Variants in NCAM2 observed in about 807,000 individuals in gnomAD.
NCAM2 encodes neural cell adhesion molecule 2.
In NCAM2, 30 loss-of-function variants were observed where a neutral mutation model predicts 98.1. The observed-to-expected ratio is 0.31, with a 90% CI of 0.23 to 0.41. The LOEUF (loss-of-function observed/expected upper bound fraction) is 0.41, where lower values mean the gene tolerates loss of function less well. Among genes scored for constraint, NCAM2 ranks in the 10% least tolerant of loss-of-function variants. The pLI, the probability that NCAM2 is intolerant of heterozygous loss-of-function variation, is 1.00. For synonymous variants in NCAM2, 368 were observed against 342.4 expected (o/e 1.07, Z -0.83); for missense variants, 867 against 1,005.8 (o/e 0.86, Z 1.87).
intron 1 of NCAM2, among the ~76,000 whole-genome samples, chr21:21,242,435 A>G (rs188002979): frequency 6.6e-6 from 1 of 152,224 alleles, no homozygotes; most frequent in Non-Finnish European, 1.5e-5. Context: ...GATAAAGCTT[A>G]TTCCTCATAT....
At chr21:21,443,522 A>G (rs1321006527) in intron 12 of NCAM2, among the ~76,000 whole-genome samples, 2 of 152,012 alleles carry the variant, frequency 1.3e-5, no homozygotes, top group African/African-American at 4.8e-5. Context: ...ATTAGCAGAC[A>G]TCTTTTATAA....
chr21:21,496,606 C>T (rs902208792), intron 15 of NCAM2, among the ~76,000 whole-genome samples: 7 of 152,034 alleles, frequency 4.6e-5, no homozygotes, highest in African/African-American at 7.2e-5. Context: ...TACAGAAGCT[C>T]TTTAGTTGAA....
intron 5 of NCAM2, among the ~76,000 whole-genome samples, chr21:21,309,005 C>G (rs2073964013): frequency 6.6e-6 from 1 of 152,060 alleles, no homozygotes; most frequent in Non-Finnish European, 1.5e-5. Flanking sequence ...TTTAAAATAC[C>G]TACCCCAGAA....
At chr21:21,268,641 T>G (rs1454219172) in intron 1 of NCAM2, among the ~76,000 whole-genome samples, 1 of 152,182 alleles carries the variant, frequency 6.6e-6, no homozygotes, top group Non-Finnish European at 1.5e-5. Context: ...GAAGCCATTG[T>G]ACATGAGAAT....
At chr21:21,133,073 T>C (rs954258627) in intron 1 of NCAM2, among the ~76,000 whole-genome samples, 1 of 152,268 alleles carries the variant, frequency 6.6e-6, no homozygotes, top group Non-Finnish European at 1.5e-5. Flanking sequence ...TTAAGATCCA[T>C]CTATCTTTTT....
chr21:21,114,920 A>G (rs2066524329), intron 1 of NCAM2, among the ~76,000 whole-genome samples: 1 of 151,874 alleles, frequency 6.6e-6, no homozygotes, highest in African/African-American at 2.4e-5. Flanking sequence ...TCCTGGGTTC[A>G]AGTGATTCTT....
In NCAM2 at chr21:21,353,922, A is replaced by G. The variant is rs375946573; in HGVS notation, c.1044+15388A>G. Among the ~76,000 whole-genome samples, 116 of 152,264 alleles carry G rather than the reference A, an allele frequency of 7.6e-4. No homozygotes were observed. In the East Asian group the frequency reaches 0.019, roughly 25 times the overall value. On this transcript the variant is annotated intron_variant, in intron 8 of 17. Transcript: ENST00000400546. The stretch of plus-strand genomic sequence containing the variant: ...ATTTTTCAAACTATGTTTTTATATC[A>G]TATGATAAAACTGGGTGTTTTTAGA...
At chr21:21,432,381 T>G (rs2077367233) in intron 12 of NCAM2, 100 bp downstream of exon 12, 1 of 1,082,694 alleles carries the variant, frequency 9.2e-7, no homozygotes, top group South Asian at 1.6e-5. Flanking sequence ...TTCTTTTCTT[T>G]TAATAAAATG....
chr21:21,319,165 A>G (rs2074302911), intron 5 of NCAM2, among the ~76,000 whole-genome samples: 2 of 152,162 alleles, frequency 1.3e-5, no homozygotes, highest in Admixed American at 1.3e-4. Context: ...AGCTCTTCAT[A>G]TTCGTGGTCT....
intron 1 of NCAM2, among the ~76,000 whole-genome samples, chr21:21,154,848 C>A (rs1166426427): frequency 3.3e-5 from 5 of 151,708 alleles, no homozygotes; most frequent in Non-Finnish European, 1.5e-5. Flanking sequence ...TTGGAGCCAG[C>A]AATAGTTGAG....
intron 1 of NCAM2, among the ~76,000 whole-genome samples, chr21:21,256,935 G>T (rs1421503202): frequency 6.6e-6 from 1 of 152,184 alleles, no homozygotes; most frequent in African/African-American, 2.4e-5. Flanking sequence ...TCTTTGCAAA[G>T]ATTGCAGAGG....
rs527539194 is a variant in NCAM2, at chr21:21,464,631, C to T, written c.1655-1975C>T. On this transcript the variant is annotated intron_variant, in intron 12 of 17. Transcript: ENST00000400546. Reference sequence around the variant, plus strand: ...AACAAATTCATGTTATGCTGACTTTCAGCAGAGGCTTTACATCTTAAAGAC... The same window carrying T: ...AACAAATTCATGTTATGCTGACTTTTAGCAGAGGCTTTACATCTTAAAGAC... 5.3e-5 allele frequency among the ~76,000 whole-genome samples: 8 copies of T among 152,224 alleles called. No individual in the cohort carries two copies. In the East Asian group the frequency reaches 1.5e-3, roughly 29 times the overall value.
rs142009034 is a variant in NCAM2 at position 21,257,764 on chromosome 21, G to A, written c.56-22814G>A. ...TGCCTGGCTACTTTTTGTATTTTTA[G>A]TAGAGACAGGGTTTCACCATGTTGG... is the stretch of plus-strand genomic sequence containing the variant. On this transcript the variant is annotated intron_variant, in intron 1 of 17. Transcript: ENST00000400546. Among the ~76,000 whole-genome samples, 563 of 152,170 alleles carry A rather than the reference G, an allele frequency of 3.7e-3. 9 individuals are homozygous for A. Among genetic ancestry groups the A allele is most frequent in the African/African-American group, 0.013 (548 of 41,534 alleles).
chr21:21,044,035 T>TCG, intron 1 of NCAM2, among the ~76,000 whole-genome samples: 1 of 150,094 alleles, frequency 6.7e-6, no homozygotes, highest in East Asian at 1.9e-4. Context: ...TTTGAAGACT[T>TCG]TGTGTGTGTG....
chr21:21,071,140 A>G (rs2065553708), intron 1 of NCAM2, among the ~76,000 whole-genome samples: 1 of 152,214 alleles, frequency 6.6e-6, no homozygotes, highest in Admixed American at 6.5e-5. Context: ...TTCACGAAAA[A>G]CTGATATACT....
intron 8 of NCAM2, among the ~76,000 whole-genome samples, chr21:21,364,256 C>G (rs1396480557): frequency 6.6e-6 from 1 of 151,756 alleles, no homozygotes; most frequent in Non-Finnish European, 1.5e-5. Context: ...TAAATATAGG[C>G]ATATTTATTT....
intron 9 of NCAM2, among the ~76,000 whole-genome samples, chr21:21,383,704 T>A (rs1050844226): frequency 3.3e-5 from 5 of 152,164 alleles, no homozygotes; most frequent in Non-Finnish European, 7.4e-5. Context: ...CTTTATATAT[T>A]CTACTTCTAG....
intron 1 of NCAM2, among the ~76,000 whole-genome samples, chr21:21,256,974 C>T (rs1490288818): frequency 6.6e-6 from 1 of 152,130 alleles, no homozygotes; most frequent in Non-Finnish European, 1.5e-5. Flanking sequence ...TGAGTTCCTT[C>T]CTCTGATTTT....
intron 12 of NCAM2, among the ~76,000 whole-genome samples, chr21:21,450,902 T>C (rs1326143873): frequency 6.6e-6 from 1 of 151,798 alleles, no homozygotes; most frequent in Non-Finnish European, 1.5e-5. Flanking sequence ...AAGTAGCACA[T>C]GTTACACACA....
Sources: gnomAD v4.1 joint callset for allele counts (sites outside exome capture counted in the v4.1 genomes callset) on GRCh38, gnomAD v4.1.1 for gene constraint, MANE v1.5 for transcripts, NCBI Gene and HGNC (gene_info 2026-07-23, HGNC 2026-07-21) for gene names.